The following ACSBG2 variants were observed in gnomAD, a reference collection of about 807,000 sequenced individuals.
The protein encoded by ACSBG2 is long-chain-fatty-acid--CoA ligase ACSBG2.
In ACSBG2, 62 loss-of-function variants were observed where a neutral mutation model predicts 74.7. The observed-to-expected ratio is 0.83, with a 90% CI of 0.68 to 1.03. The LOEUF (loss-of-function observed/expected upper bound fraction) is 1.03. Ranked by LOEUF, ACSBG2 falls within the 50% of genes least tolerant of loss-of-function variation. The pLI, the probability that ACSBG2 is intolerant of heterozygous loss-of-function variation, is 0.00. For missense variants in ACSBG2, 730 were observed against 817.6 expected (o/e 0.89, Z 1.31); for synonymous variants, 309 against 294.1 (o/e 1.05, Z -0.52).
chr19:6,167,985 C>A (rs919716351), intron 7 of ACSBG2, among the ~76,000 whole-genome samples: 1 of 143,708 alleles, frequency 7.0e-6, no homozygotes, highest in African/African-American at 2.9e-5. Context: ...TCACCCCCAC[C>A]CCCAGTCTAT....
chr19:6,142,612 G>T (rs536415047), intron 2 of ACSBG2, among the ~76,000 whole-genome samples: 1 of 151,968 alleles, frequency 6.6e-6, no homozygotes, highest in Admixed American at 6.6e-5. Flanking sequence ...AATTAGCCAG[G>T]TGTGGTGGCG....
chr19:6,137,139 A>C (rs932036117), intron 1 of ACSBG2, among the ~76,000 whole-genome samples: 3 of 147,168 alleles, frequency 2.0e-5, no homozygotes, highest in African/African-American at 7.5e-5. Flanking sequence ...ATTTATAAAG[A>C]AAAGAGGGGC....
At chr19:6,177,837 A>G (rs913493763) in intron 8 of ACSBG2, among the ~76,000 whole-genome samples, 62 of 151,856 alleles carry the variant, frequency 4.1e-4, no homozygotes, top group African/African-American at 1.4e-3. Context: ...AACACTGAAC[A>G]ACCCAAGACA....
chr19:6,165,976 C>A lies in ACSBG2; in HGVS notation c.699C>A (p.Thr233=), dbSNP rs141040118. The A allele has an allele frequency of 1.9e-6, 3 of 1,614,004 alleles. No individual in the cohort carries two copies. The highest frequency in any genetic ancestry group is 2.7e-5 in the African/African-American group (2 of 74,906). ...QCAVLIYTSG[T]TGIPKGVMLS... ...CAGTGCTCATCTACACTTCAGGGACCACAGGCATACCCAAGGGAGTGATGC... is the reference window on the plus strand; with the variant it reads ...CAGTGCTCATCTACACTTCAGGGACAACAGGCATACCCAAGGGAGTGATGC... The change falls in exon 7 of 15, where the codon ACC becomes ACA. Residue 233 remains threonine (T), a synonymous_variant. Transcript: ENST00000588485.
At chr19:6,164,312 C>T (rs1393164394) in intron 6 of ACSBG2, among the ~76,000 whole-genome samples, 1 of 152,204 alleles carries the variant, frequency 6.6e-6, no homozygotes, top group Non-Finnish European at 1.5e-5. Context: ...CTCTTCCTCT[C>T]ACCCTTGCCC....
At chr19:6,159,648 T>G (rs2089541429) in intron 5 of ACSBG2, among the ~76,000 whole-genome samples, 1 of 152,228 alleles carries the variant, frequency 6.6e-6, no homozygotes, top group Non-Finnish European at 1.5e-5. Context: ...CAGCTCCACT[T>G]GGAGATCTTT....
intron 4 of ACSBG2, among the ~76,000 whole-genome samples, chr19:6,153,362 G>A (rs140963916): frequency 7.4e-4 from 112 of 152,262 alleles, no homozygotes; most frequent in African/African-American, 2.5e-3. Context: ...TTTGAGGTAG[G>A]TGCCATCATG....
chr19:6,187,204 C>A, intron 11 of ACSBG2, 79 bp from the exon 12 acceptor site: 4 of 1,584,472 alleles, frequency 2.5e-6, no homozygotes, highest in East Asian at 2.2e-5. Flanking sequence ...GGGGTTTCAC[C>A]ATGTTGGCCA....
Position 6,182,885 on chromosome 19 carries a change from G to A in ACSBG2, c.1041G>A (p.Val347=), listed in dbSNP as rs144132436. ...KSMGLKKKAF[V]WARNIGFKVN... is the part of the protein sequence containing the mutation. ...TGGGCTTGAAGAAGAAGGCATTCGT[G>A]TGGGCAAGAAACATTGGCTTCAAGG... Residue 347 remains valine, a synonymous_variant, in exon 9 of 15, where the codon GTG becomes GTA. Coordinates refer to ENST00000588485, the MANE Select transcript of ACSBG2 (RefSeq NM_030924.5). 256 of 1,614,190 alleles carry A rather than the reference G, an allele frequency of 1.6e-4. 1 individual carries two copies. The African/African-American group carries it at 2.9e-3, about 19-fold the overall frequency.
chr19:6,168,762 C>A (rs1303793738), intron 7 of ACSBG2, among the ~76,000 whole-genome samples: 1 of 152,026 alleles, frequency 6.6e-6, no homozygotes, highest in African/African-American at 2.4e-5. Flanking sequence ...CTTATAGATT[C>A]TGAATATTAG....
intron 6 of ACSBG2, 89 bp from the exon 7 acceptor site, chr19:6,165,777 C>T: frequency 6.6e-7 from 1 of 1,511,528 alleles, no homozygotes; most frequent in East Asian, 2.3e-5. Flanking sequence ...GAGGATCATT[C>T]TTTAGGAAAA....
At chr19:6,143,898 C>A (rs187417390) in intron 2 of ACSBG2, among the ~76,000 whole-genome samples, 1 of 152,162 alleles carries the variant, frequency 6.6e-6, no homozygotes, top group South Asian at 2.1e-4. Context: ...GTCCTAACCC[C>A]CAGGTGCTCA....
intron 11 of ACSBG2, 149 bp from the exon 12 acceptor site, chr19:6,187,134 A>G (rs2090430799): frequency 5.0e-6 from 5 of 1,003,580 alleles, no homozygotes; most frequent in Non-Finnish European, 7.2e-6. Context: ...CCTCCCGAGT[A>G]GCTGGGATTA....
At chr19:6,138,193 T>G (rs2088653958) in intron 1 of ACSBG2, among the ~76,000 whole-genome samples, 1 of 152,092 alleles carries the variant, frequency 6.6e-6, no homozygotes, top group South Asian at 2.1e-4. Context: ...CCAAAGCAAT[T>G]ATCATACTTT....
chr19:6,182,992 G>A (rs1568252304), intron 9 of ACSBG2, 47 bp from the exon 10 acceptor site: 2 of 1,612,984 alleles, frequency 1.2e-6, no homozygotes, highest in Non-Finnish European at 8.5e-7. Context: ...GCCTTCTCCA[G>A]TGGGTCCCAT....
chr19:6,190,764 G>A, intron 14 of ACSBG2, 72 bp downstream of exon 14: 1 of 792,970 alleles, frequency 1.3e-6, no homozygotes, highest in East Asian at 3.5e-5. Flanking sequence ...TGTGTGGCAG[G>A]CAGATCTGTG....
intron 4 of ACSBG2, among the ~76,000 whole-genome samples, chr19:6,155,936 A>G (rs1485120337): frequency 2.0e-5 from 3 of 150,186 alleles, no homozygotes; most frequent in Admixed American, 1.3e-4. Context: ...AAAAAAAAAA[A>G]TTGAAAGGGG....
chr19:6,142,534 C>T (rs1038146770), intron 2 of ACSBG2, among the ~76,000 whole-genome samples: 5 of 151,892 alleles, frequency 3.3e-5, no homozygotes, highest in Non-Finnish European at 5.9e-5. Context: ...AGGCGGATCA[C>T]GAGGTCAGGA....
At chr19:6,188,392 A>C (rs541002603) in intron 13 of ACSBG2, among the ~76,000 whole-genome samples, 2 of 152,238 alleles carry the variant, frequency 1.3e-5, no homozygotes, top group African/African-American at 4.8e-5. Context: ...TGTAATCCCA[A>C]CACTTTGGGA....
Sources: allele counts gnomAD v4.1 joint callset (sites outside exome capture counted in the v4.1 genomes callset), GRCh38; gene constraint gnomAD v4.1.1; transcripts MANE v1.5; gene names NCBI Gene and HGNC (gene_info 2026-07-23, HGNC 2026-07-21).